The following OXR1 variants were observed in gnomAD, a reference collection of about 807,000 sequenced individuals.
OXR1 encodes the protein oxidation resistance 1.
A neutral mutation model predicts 104.6 loss-of-function variants in OXR1; 41 were observed. That is an observed-to-expected ratio of 0.39 (90% CI 0.31 to 0.51). The LOEUF is 0.51. Among genes scored for constraint, OXR1 ranks in the 20% least tolerant of loss-of-function variants. The pLI, the probability that OXR1 is intolerant of heterozygous loss-of-function variation, is 0.77. For missense variants in OXR1, 955 were observed against 1,031.9 expected (o/e 0.93, Z 1.02); for synonymous variants, 348 against 348.4 (o/e 1.00, Z 0.01).
chr8:106,363,399 T>C (rs1816330013), intron 2 of OXR1, among the ~76,000 whole-genome samples: 1 of 152,204 alleles, frequency 6.6e-6, no homozygotes, highest in Admixed American at 6.5e-5. Context: ...CAAATACACC[T>C]CTTGCATTTA....
intron 2 of OXR1, among the ~76,000 whole-genome samples, chr8:106,374,635 T>G (rs1326532610): frequency 2.6e-5 from 4 of 152,210 alleles, no homozygotes; most frequent in Non-Finnish European, 5.9e-5. Context: ...CAAGTGAACA[T>G]TTTCCTTTGA....
chr8:106,571,908 A>G (rs1817499290), intron 3 of OXR1, among the ~76,000 whole-genome samples: 1 of 152,194 alleles, frequency 6.6e-6, no homozygotes, highest in African/African-American at 2.4e-5. Context: ...AAATATCATC[A>G]GATCTTAAGG....
chr8:106,535,325 G>T (rs1309224685), intron 3 of OXR1, among the ~76,000 whole-genome samples: 1 of 152,180 alleles, frequency 6.6e-6, no homozygotes, highest in Non-Finnish European at 1.5e-5. Context: ...GCTTTCTACT[G>T]CAAAACCGCT....
chr8:106,689,060 A>C (rs1829027591), intron 6 of OXR1, among the ~76,000 whole-genome samples: 1 of 152,132 alleles, frequency 6.6e-6, no homozygotes, highest in Non-Finnish European at 1.5e-5. Context: ...TTAGTTTCCT[A>C]GTATTATCAT....
intron 3 of OXR1, among the ~76,000 whole-genome samples, chr8:106,537,878 GA>G (rs1156676883): frequency 6.6e-6 from 1 of 152,094 alleles, no homozygotes; most frequent in African/African-American, 2.4e-5. Context: ...AGAGGAAGGA[GA>G]GAGGAAAAAG....
chr8:106,743,601 G>C (rs773321890), intron 15 of OXR1, among the ~76,000 whole-genome samples: 1 of 152,196 alleles, frequency 6.6e-6, no homozygotes, highest in African/African-American at 2.4e-5. Flanking sequence ...GATTACAGGC[G>C]TGAGCCACCA....
chr8:106,561,783 G>A (rs908667920), intron 3 of OXR1, among the ~76,000 whole-genome samples: 6 of 152,216 alleles, frequency 3.9e-5, no homozygotes, highest in African/African-American at 1.4e-4. Context: ...GGAAGGAACA[G>A]GCAGCAATCT....
At chr8:106,422,585 C>T (rs1818949847) in intron 2 of OXR1, among the ~76,000 whole-genome samples, 1 of 151,940 alleles carries the variant, frequency 6.6e-6, no homozygotes, top group Non-Finnish European at 1.5e-5. Context: ...TAATAATTTT[C>T]CATTTGTTTT....
At chr8:106,373,833 G>C (rs1456079870) in intron 2 of OXR1, among the ~76,000 whole-genome samples, 1 of 152,112 alleles carries the variant, frequency 6.6e-6, no homozygotes, top group Non-Finnish European at 1.5e-5. Context: ...CAAGTTATCT[G>C]CCTGTCTTGG....
intron 11 of OXR1, among the ~76,000 whole-genome samples, chr8:106,728,925 T>A (rs1350294583): frequency 6.6e-6 from 1 of 152,194 alleles, no homozygotes; most frequent in African/African-American, 2.4e-5. Context: ...AGACTTTTTT[T>A]AAATTTAGGC....
intron 1 of OXR1, among the ~76,000 whole-genome samples, chr8:106,309,329 G>T (rs1186583948): frequency 2.0e-5 from 3 of 152,040 alleles, no homozygotes; most frequent in Admixed American, 1.3e-4. Context: ...AATCAATTCT[G>T]TACTAATCAT....
chr8:106,493,213 T>C (rs987178889), intron 2 of OXR1, among the ~76,000 whole-genome samples: 1 of 152,156 alleles, frequency 6.6e-6, no homozygotes, highest in African/African-American at 2.4e-5. Context: ...AGAAAAGCTA[T>C]TTTAGCCTGC....
At chr8:106,710,251 G>A (rs967388008) in intron 9 of OXR1, among the ~76,000 whole-genome samples, 1 of 151,972 alleles carries the variant, frequency 6.6e-6, no homozygotes, top group Non-Finnish European at 1.5e-5. Flanking sequence ...TTATTTAGAT[G>A]TCATTCAAAA....
intron 2 of OXR1, among the ~76,000 whole-genome samples, chr8:106,395,302 A>G (rs1382071467): frequency 2.0e-5 from 3 of 152,098 alleles, no homozygotes; most frequent in African/African-American, 4.8e-5. Context: ...CAAGATAAAG[A>G]TTTTCATGCT....
chr8:106,300,625 A>G (rs1039389702), intron 1 of OXR1, among the ~76,000 whole-genome samples: 28 of 152,268 alleles, frequency 1.8e-4, no homozygotes, highest in Admixed American at 1.8e-3. Flanking sequence ...TATTCGACCC[A>G]AGGCATTCAA....
intron 1 of OXR1, among the ~76,000 whole-genome samples, chr8:106,318,272 G>A (rs895439115): frequency 3.3e-5 from 5 of 152,304 alleles, no homozygotes; most frequent in Non-Finnish European, 7.4e-5. Flanking sequence ...GAACTGAGTT[G>A]TTAAAATCCA....
intron 11 of OXR1, among the ~76,000 whole-genome samples, chr8:106,732,915 C>T (rs903593902): frequency 5.3e-5 from 8 of 152,028 alleles, no homozygotes; most frequent in South Asian, 4.1e-4. Context: ...GTATTCCCTC[C>T]GCTTCTGTTT....
At chr8:106,367,010 A>G (rs548784898) in intron 2 of OXR1, among the ~76,000 whole-genome samples, 7 of 151,428 alleles carry the variant, frequency 4.6e-5, no homozygotes, top group African/African-American at 1.7e-4. Flanking sequence ...CATTACCATT[A>G]TATGGTCAAT....
In OXR1 at chr8:106,675,548, A is replaced by G. The variant is rs539711074; in HGVS notation, c.221-3662A>G. On this transcript the variant is annotated intron_variant, in intron 3 of 16. Coordinates refer to ENST00000517566, the MANE Select transcript of OXR1 (RefSeq NM_001198533.2). ...ACTTCTTGATTTCTGCCTTAATTTC[A>G]TTATTTACCCAAAAGTCATTCAGGA... Among the ~76,000 whole-genome samples the G allele has an allele frequency of 3.9e-5, 6 of 152,162 alleles. No individual in the cohort carries two copies. In the East Asian group the frequency reaches 1.2e-3, roughly 29 times the overall value.
Sources: gnomAD v4.1 joint callset for allele counts (sites outside exome capture counted in the v4.1 genomes callset) on GRCh38, gnomAD v4.1.1 for gene constraint, MANE v1.5 for transcripts, NCBI Gene and HGNC (gene_info 2026-07-23, HGNC 2026-07-21) for gene names.